Variants in RABGAP1L observed in about 807,000 individuals in gnomAD.
RABGAP1L encodes rab GTPase-activating protein 1-like.
Under a neutral mutation model 137.7 loss-of-function variants are expected in RABGAP1L, and 63 were observed. That is an observed-to-expected ratio of 0.46 (90% CI 0.37 to 0.56). RABGAP1L has a LOEUF of 0.56. RABGAP1L is among the 20% of genes least tolerant of loss of function. RABGAP1L has a pLI of 0.00. For missense variants in RABGAP1L, 1,095 were observed against 1,244.0 expected (o/e 0.88, Z 1.80); for synonymous variants, 431 against 433.7 (o/e 0.99, Z 0.08).
intron 20 of RABGAP1L, among the ~76,000 whole-genome samples, chr1:174,964,038 G>A (rs1669401632): frequency 6.6e-6 from 1 of 152,102 alleles, no homozygotes; most frequent in Non-Finnish European, 1.5e-5. Context: ...GAGTAAAGGA[G>A]GGAAGCACAA....
At chr1:174,463,072 A>C (rs1264095461) in intron 13 of RABGAP1L, among the ~76,000 whole-genome samples, 1 of 152,180 alleles carries the variant, frequency 6.6e-6, no homozygotes, top group Non-Finnish European at 1.5e-5. Flanking sequence ...TGGGACTGTA[A>C]ACTAGTTCAA....
At chr1:174,347,981 T>C (rs1220011490) in intron 11 of RABGAP1L, among the ~76,000 whole-genome samples, 1 of 152,164 alleles carries the variant, frequency 6.6e-6, no homozygotes, top group African/African-American at 2.4e-5. Context: ...GTGTTTTTAT[T>C]GGAGAGTTTA....
At chr1:174,247,073 C>T (rs558914033) in intron 5 of RABGAP1L, among the ~76,000 whole-genome samples, 17 of 152,198 alleles carry the variant, frequency 1.1e-4, no homozygotes, top group African/African-American at 2.4e-4. Context: ...CAGCTCCATA[C>T]GCTTAACCTT....
intron 11 of RABGAP1L, among the ~76,000 whole-genome samples, chr1:174,309,952 G>C (rs1678662698): frequency 6.6e-6 from 1 of 152,060 alleles, no homozygotes; most frequent in Non-Finnish European, 1.5e-5. Context: ...TCATCTTTCA[G>C]TCTTTGTTAG....
At chr1:174,932,197 C>T (rs1338618488) in intron 19 of RABGAP1L, among the ~76,000 whole-genome samples, 2 of 150,330 alleles carry the variant, frequency 1.3e-5, no homozygotes, top group Admixed American at 1.3e-4. Context: ...GGAAGTGATC[C>T]TTTTCTCTAA....
At chr1:174,768,915 A>G (rs1388310797) in intron 18 of RABGAP1L, among the ~76,000 whole-genome samples, 1 of 152,194 alleles carries the variant, frequency 6.6e-6, no homozygotes, top group Non-Finnish European at 1.5e-5. Context: ...TACAATGTTG[A>G]ATGGAAGTGG....
chr1:174,300,203 A>G (rs1013203324), intron 10 of RABGAP1L, among the ~76,000 whole-genome samples: 2 of 152,114 alleles, frequency 1.3e-5, no homozygotes, highest in African/African-American at 4.8e-5. Flanking sequence ...CTTTTTCTGG[A>G]CACTTCAGGG....
Position 174,736,244 on chromosome 1 carries a change from A to G in RABGAP1L, c.2170-16069A>G, listed in dbSNP as rs146640028. Among the ~76,000 whole-genome samples the G allele has an allele frequency of 1.2e-3, 179 of 152,342 alleles. 2 individuals carry two copies. Among genetic ancestry groups the G allele is most frequent in the African/African-American group, 4.1e-3 (171 of 41,582 alleles). On this transcript the variant is annotated intron_variant, in intron 17 of 25. Transcript: ENST00000681986. ...GTACAGGCACTGGGTAAACATTCCC[A>G]TTCCAAAAGGAAGAAATTGGCCAAA...
chr1:174,210,728 A>G (rs1166582650), intron 1 of RABGAP1L, among the ~76,000 whole-genome samples: 2 of 152,206 alleles, frequency 1.3e-5, no homozygotes, highest in African/African-American at 4.8e-5. Context: ...AGATATCAAT[A>G]TCCAAGTACA....
intron 13 of RABGAP1L, among the ~76,000 whole-genome samples, chr1:174,590,535 A>G (rs1050995440): frequency 1.0e-5 from 1 of 96,442 alleles, no homozygotes; most frequent in African/African-American, 4.2e-5. Flanking sequence ...AGAGTGTGCT[A>G]TTCCCCTTCC....
At chr1:174,860,443 C>T (rs1391186379) in intron 19 of RABGAP1L, among the ~76,000 whole-genome samples, 2 of 151,800 alleles carry the variant, frequency 1.3e-5, no homozygotes, top group Non-Finnish European at 2.9e-5. Flanking sequence ...GAGCAAGACC[C>T]TGTTTAAAAA....
At chr1:174,556,467 G>T (rs953241232) in intron 13 of RABGAP1L, among the ~76,000 whole-genome samples, 4 of 152,218 alleles carry the variant, frequency 2.6e-5, no homozygotes, top group Non-Finnish European at 5.9e-5. Flanking sequence ...TGGGAGGCCA[G>T]TTAGGAGGCT....
intron 13 of RABGAP1L, among the ~76,000 whole-genome samples, chr1:174,587,624 T>G (rs954125307): frequency 6.6e-6 from 1 of 152,040 alleles, no homozygotes; most frequent in African/African-American, 2.4e-5. Context: ...GAAAATGCAA[T>G]TAAAAGAATA....
At chr1:174,878,764 T>G (rs549976475) in intron 19 of RABGAP1L, among the ~76,000 whole-genome samples, 2 of 152,068 alleles carry the variant, frequency 1.3e-5, no homozygotes, top group South Asian at 4.2e-4. Flanking sequence ...TTAAAAGACT[T>G]AAGGGTTATA....
chr1:174,745,731 T>G (rs1217016837), intron 17 of RABGAP1L, among the ~76,000 whole-genome samples: 4 of 152,186 alleles, frequency 2.6e-5, no homozygotes, highest in African/African-American at 9.7e-5. Context: ...TAATAATAAT[T>G]GCTAGTGTTT....
intron 14 of RABGAP1L, among the ~76,000 whole-genome samples, chr1:174,673,804 T>C (rs371800153): frequency 6.6e-6 from 1 of 152,154 alleles, no homozygotes. Flanking sequence ...TTGAGCATGC[T>C]GAAGTCTGAA....
intron 17 of RABGAP1L, among the ~76,000 whole-genome samples, chr1:174,744,224 C>T (rs895709175): frequency 2.6e-5 from 4 of 151,504 alleles, no homozygotes; most frequent in African/African-American, 9.7e-5. Context: ...CATTAGCCAA[C>T]CTAAAATATT....
chr1:174,883,838 G>C (rs1390260854), intron 19 of RABGAP1L, among the ~76,000 whole-genome samples: 1 of 152,116 alleles, frequency 6.6e-6, no homozygotes, highest in Admixed American at 6.6e-5. Flanking sequence ...CTCACAAAGG[G>C]AATATACATT....
At chr1:174,268,035 A>AT (rs1228449282) in intron 7 of RABGAP1L, among the ~76,000 whole-genome samples, 1 of 152,182 alleles carries the variant, frequency 6.6e-6, no homozygotes, top group East Asian at 1.9e-4. Flanking sequence ...GATTTGCCCA[A>AT]TTATCTTTTT....
Sources: allele counts gnomAD v4.1 joint callset (sites outside exome capture counted in the v4.1 genomes callset), GRCh38; gene constraint gnomAD v4.1.1; transcripts MANE v1.5; gene names NCBI Gene and HGNC (gene_info 2026-07-23, HGNC 2026-07-21).